Variants in FBXL7 observed in about 807,000 individuals in gnomAD.
The protein encoded by FBXL7 is F-box/LRR-repeat protein 7.
FBXL7 carries 12 observed loss-of-function variants against 38.3 expected under a neutral mutation model. The observed-to-expected ratio is 0.31, with a 90% CI of 0.20 to 0.51. FBXL7 has a LOEUF of 0.51. Ranked by LOEUF, FBXL7 falls within the 20% of genes least tolerant of loss-of-function variation. The pLI is 0.98. For missense variants in FBXL7, 567 were observed against 676.4 expected (o/e 0.84, Z 1.79); for synonymous variants, 297 against 300.9 (o/e 0.99, Z 0.13).
intron 2 of FBXL7, among the ~76,000 whole-genome samples, chr5:15,727,650 CT>C (rs1735445212): frequency 6.6e-6 from 1 of 152,060 alleles, no homozygotes; most frequent in Non-Finnish European, 1.5e-5. Flanking sequence ...AGATTTTTCT[CT>C]TTGTCTTTGT....
intron 1 of FBXL7, among the ~76,000 whole-genome samples, chr5:15,502,157 G>T (rs963178736): frequency 6.6e-6 from 1 of 151,972 alleles, no homozygotes; most frequent in South Asian, 2.1e-4. Flanking sequence ...GTCAGTTCTG[G>T]GTGTATGCTA....
intron 2 of FBXL7, among the ~76,000 whole-genome samples, chr5:15,855,018 A>G (rs1383020752): frequency 6.6e-6 from 1 of 152,110 alleles, no homozygotes; most frequent in African/African-American, 2.4e-5. Context: ...TCATATTAGA[A>G]ACAAGTCAAA....
chr5:15,568,684 T>C (rs1256470507), intron 1 of FBXL7, among the ~76,000 whole-genome samples: 2 of 152,094 alleles, frequency 1.3e-5, no homozygotes, highest in Non-Finnish European at 2.9e-5. Context: ...TCCTGAATGG[T>C]ATTGCCTAGG....
Position 15,777,720 on chromosome 5 carries a change from TAAAAAA to T in FBXL7, c.128-150149_128-150144del, listed in dbSNP as rs371293320. On this transcript the variant is annotated intron_variant, in intron 2 of 3. Transcript: ENST00000504595. ...TATTGTTTGCAAACCCCTATTCTGG[TAAAAAA>T]AAAAAAAAAAAAAAAAAAAAGTAAA... Among the ~76,000 whole-genome samples, 282 of 82,524 alleles carry T rather than the reference TAAAAAA, an allele frequency of 3.4e-3. 4 individuals carry two copies. The highest frequency in any genetic ancestry group is 0.014 in the East Asian group (38 of 2,728). 54.1% of individuals were successfully genotyped at this position (82,524 alleles called of 152,430 possible).
intron 1 of FBXL7, among the ~76,000 whole-genome samples, chr5:15,555,542 A>G (rs752699232): frequency 6.6e-6 from 1 of 152,144 alleles, no homozygotes; most frequent in Non-Finnish European, 1.5e-5. Context: ...ATGTCCCTCC[A>G]TGATTTTCTT....
In FBXL7 at chr5:15,676,995, C is replaced by G. The variant is rs76178508; in HGVS notation, c.127+60923C>G. Among the ~76,000 whole-genome samples the G allele has an allele frequency of 0.012, 1,770 of 152,312 alleles. 66 individuals are homozygous for G. In the East Asian group the frequency reaches 0.16, roughly 13 times the overall value. On this transcript the variant is annotated intron_variant, in intron 2 of 3. Transcript: ENST00000504595. The stretch of plus-strand genomic sequence containing the variant: ...TTCTCAACTTTAAAAGCAGCACTTT[C>G]TAATGCAGACATTAAGTGCTTGTGG...
At chr5:15,523,169 CACTA>C (rs2126377606) in intron 1 of FBXL7, among the ~76,000 whole-genome samples, 1 of 152,258 alleles carries the variant, frequency 6.6e-6, no homozygotes, top group Admixed American at 6.5e-5. Flanking sequence ...GGGTAAATGG[CACTA>C]ACTAATGCCA....
intron 2 of FBXL7, among the ~76,000 whole-genome samples, chr5:15,889,627 G>A (rs942333006): frequency 2.6e-5 from 4 of 152,176 alleles, no homozygotes; most frequent in Non-Finnish European, 4.4e-5. Context: ...AACCTCCAAT[G>A]CTTGTGATGT....
chr5:15,721,101 A>G, intron 2 of FBXL7, among the ~76,000 whole-genome samples: 1 of 152,216 alleles, frequency 6.6e-6, no homozygotes, highest in East Asian at 1.9e-4. Flanking sequence ...AAAGTTGTAA[A>G]TGCTTGATAG....
rs1482213491 is a variant in FBXL7, at chr5:15,672,901, C to G, written c.127+56829C>G. The stretch of plus-strand genomic sequence containing the variant: ...TAATGTCTGTCAATTGTCCACCTGT[C>G]TTTTTTCTTCTCTTTTGCAAAATGT... On this transcript the variant is annotated intron_variant, in intron 2 of 3. Coordinates refer to ENST00000504595, the MANE Select transcript of FBXL7 (RefSeq NM_012304.5). 3.9e-5 allele frequency among the ~76,000 whole-genome samples: 6 copies of G among 152,132 alleles called. No homozygotes were observed. In the East Asian group the frequency reaches 1.2e-3, roughly 29 times the overall value.
intron 1 of FBXL7, among the ~76,000 whole-genome samples, chr5:15,596,430 G>T (rs1739626555): frequency 6.6e-6 from 1 of 152,118 alleles, no homozygotes; most frequent in African/African-American, 2.4e-5. Flanking sequence ...GGTAGGCCAA[G>T]GCAGGAGGGA....
In FBXL7 at chr5:15,560,038, GC is replaced by G. The variant is rs1437082948; in HGVS notation, c.38-55944del. ...CACTAGCATTATAAGCACATTGAAG[GC>G]ATCTTACAAATATTTGTACCTTCCC... On this transcript the variant is annotated intron_variant, in intron 1 of 3. Transcript: ENST00000504595. Among the ~76,000 whole-genome samples, 3 of 152,194 alleles carry G rather than the reference GC, an allele frequency of 2.0e-5. No homozygotes were observed. In the East Asian group the frequency reaches 5.8e-4, roughly 29 times the overall value.
intron 1 of FBXL7, among the ~76,000 whole-genome samples, chr5:15,589,387 G>A (rs76385457): frequency 0.074 from 11,207 of 152,076 alleles, 559 homozygotes; most frequent in South Asian, 0.17. Flanking sequence ...TTGTTTAAAA[G>A]TATGTAGTGC....
chr5:15,844,539 C>T (rs767283811), intron 2 of FBXL7, among the ~76,000 whole-genome samples: 17 of 152,318 alleles, frequency 1.1e-4, no homozygotes, highest in South Asian at 2.1e-4. Context: ...CTCTCATGAT[C>T]GGTAGAGCAT....
At chr5:15,571,871 G>C (rs1738799102) in intron 1 of FBXL7, among the ~76,000 whole-genome samples, 1 of 152,088 alleles carries the variant, frequency 6.6e-6, no homozygotes, top group African/African-American at 2.4e-5. Flanking sequence ...TGCATCATCT[G>C]GGGTAGTGGT....
chr5:15,687,466 G>A (rs146839349), intron 2 of FBXL7, among the ~76,000 whole-genome samples: 2 of 152,188 alleles, frequency 1.3e-5, no homozygotes, highest in South Asian at 2.1e-4. Context: ...TGCACTCACT[G>A]TTCCCAATGA....
intron 2 of FBXL7, among the ~76,000 whole-genome samples, chr5:15,794,693 A>G (rs866483924): frequency 6.6e-6 from 1 of 152,194 alleles, no homozygotes; most frequent in African/African-American, 2.4e-5. Flanking sequence ...CTTTGTGAAC[A>G]GTATCTTTCA....
intron 2 of FBXL7, among the ~76,000 whole-genome samples, chr5:15,725,372 CTTTGTGATTTCT>C (rs953932620): frequency 6.6e-5 from 10 of 151,892 alleles, no homozygotes; most frequent in African/African-American, 1.9e-4. Context: ...TTCTAATTTC[CTTTGTGATTTCT>C]TTTGTGATCC....
At chr5:15,904,861 A>G (rs1446854121) in intron 2 of FBXL7, among the ~76,000 whole-genome samples, 2 of 152,212 alleles carry the variant, frequency 1.3e-5, no homozygotes, top group Non-Finnish European at 2.9e-5. Context: ...GTAACCAACT[A>G]GGATGTTACC....
Sources: allele counts gnomAD v4.1 joint callset (sites outside exome capture counted in the v4.1 genomes callset), GRCh38; gene constraint gnomAD v4.1.1; transcripts MANE v1.5; gene names NCBI Gene and HGNC (gene_info 2026-07-23, HGNC 2026-07-21).